The following GRIN2A variants were observed in gnomAD, a reference collection of about 807,000 sequenced individuals.
GRIN2A encodes the protein glutamate receptor ionotropic, NMDA 2A.
GRIN2A carries 22 observed loss-of-function variants against 113.4 expected under a neutral mutation model. The observed-to-expected ratio is 0.19, with a 90% CI of 0.14 to 0.28. GRIN2A has a LOEUF of 0.28. Among genes scored for constraint, GRIN2A ranks in the 10% least tolerant of loss-of-function variants. The probability of loss-of-function intolerance (pLI) is 1.00; values close to 1 mark genes in which losing one functional copy is unlikely to be tolerated. For synonymous variants in GRIN2A, 827 were observed against 738.4 expected (o/e 1.12, Z -1.94); for missense variants, 1,502 against 1,887.0 (o/e 0.80, Z 3.78).
At chr16:10,135,300 T>C (rs914066141) in intron 2 of GRIN2A, among the ~76,000 whole-genome samples, 2 of 152,242 alleles carry the variant, frequency 1.3e-5, no homozygotes, top group Non-Finnish European at 2.9e-5. Flanking sequence ...GTAATGCTTT[T>C]AACGTCCATA....
At chr16:10,148,041 C>A (rs1447186282) in intron 2 of GRIN2A, among the ~76,000 whole-genome samples, 1 of 152,156 alleles carries the variant, frequency 6.6e-6, no homozygotes, top group Non-Finnish European at 1.5e-5. Context: ...CTTCCCACTG[C>A]CCTGGTTTTC....
At chr16:9,906,364 T>A (rs1257771541) in intron 3 of GRIN2A, among the ~76,000 whole-genome samples, 1 of 152,216 alleles carries the variant, frequency 6.6e-6, no homozygotes, top group Non-Finnish European at 1.5e-5. Context: ...TTTCCACTTC[T>A]TAGCTTTTGT....
At chr16:9,918,321 A>G (rs944345300) in intron 3 of GRIN2A, among the ~76,000 whole-genome samples, 3 of 152,224 alleles carry the variant, frequency 2.0e-5, no homozygotes, top group Admixed American at 2.0e-4. Flanking sequence ...ATAGTACAGA[A>G]CTGTGTATGT....
intron 2 of GRIN2A, among the ~76,000 whole-genome samples, chr16:10,032,573 C>T (rs2141929723): frequency 6.6e-6 from 1 of 152,278 alleles, no homozygotes; most frequent in South Asian, 2.1e-4. Flanking sequence ...CCCTTGCAAC[C>T]CACCTTCAAA....
intron 12 of GRIN2A, among the ~76,000 whole-genome samples, chr16:9,768,351 C>CA (rs1285730206): frequency 1.3e-5 from 2 of 152,058 alleles, no homozygotes; most frequent in Non-Finnish European, 2.9e-5. Flanking sequence ...CGTGCCCGGC[C>CA]AAAAAATTTT....
chr16:9,934,238 T>C (rs1401917233), intron 3 of GRIN2A, among the ~76,000 whole-genome samples: 1 of 152,046 alleles, frequency 6.6e-6, no homozygotes, highest in Non-Finnish European at 1.5e-5. Context: ...AAAGAATTCT[T>C]ATTCCTAAGT....
At chr16:10,179,753 T>G in intron 2 of GRIN2A, 1 of 546,168 alleles carries the variant, frequency 1.8e-6, no homozygotes, top group Non-Finnish European at 3.3e-6. Flanking sequence ...GAGCGCTTCC[T>G]GGCACACACA....
chr16:10,149,082 G>C (rs2049508147), intron 2 of GRIN2A, among the ~76,000 whole-genome samples: 1 of 152,222 alleles, frequency 6.6e-6, no homozygotes, highest in Non-Finnish European at 1.5e-5. Flanking sequence ...AAGGGTATTG[G>C]GGGTGTGAGG....
chr16:10,141,556 G>C (rs1480429825), intron 2 of GRIN2A, among the ~76,000 whole-genome samples: 2 of 152,124 alleles, frequency 1.3e-5, no homozygotes, highest in Non-Finnish European at 2.9e-5. Context: ...AAGCAGGAGA[G>C]ACCAAATCCA....
intron 2 of GRIN2A, among the ~76,000 whole-genome samples, chr16:10,011,781 C>T (rs1231989293): frequency 6.6e-6 from 1 of 152,132 alleles, no homozygotes; most frequent in East Asian, 1.9e-4. Context: ...GGATGACGTT[C>T]ACCAAGCATC....
intron 5 of GRIN2A, among the ~76,000 whole-genome samples, chr16:9,847,914 T>TTATATGTTTTATATATATATAAAAA (rs2042804097): frequency 1.4e-5 from 2 of 146,406 alleles, no homozygotes. Flanking sequence ...GGCCTTATTT[T>TTATATGTTTTATATATATATAAAAA]TATATGTTTT....
At chr16:10,037,998 A>G (rs2047066324) in intron 2 of GRIN2A, among the ~76,000 whole-genome samples, 1 of 152,186 alleles carries the variant, frequency 6.6e-6, no homozygotes, top group Admixed American at 6.5e-5. Flanking sequence ...CTCCCAGTCT[A>G]CATCATAATC....
intron 2 of GRIN2A, among the ~76,000 whole-genome samples, chr16:10,122,073 C>T (rs1567314244): frequency 1.3e-5 from 2 of 152,172 alleles, no homozygotes; most frequent in Admixed American, 1.3e-4. Context: ...GAAGTTTATT[C>T]AGCGCCCTTC....
intron 2 of GRIN2A, among the ~76,000 whole-genome samples, chr16:10,076,311 A>G (rs2047871672): frequency 6.6e-6 from 1 of 152,200 alleles, no homozygotes; most frequent in African/African-American, 2.4e-5. Context: ...CCTTGACCCA[A>G]AAACCATCCA....
At chr16:9,839,438 A>C (rs993653528) in intron 7 of GRIN2A, among the ~76,000 whole-genome samples, 1 of 152,222 alleles carries the variant, frequency 6.6e-6, no homozygotes, top group Admixed American at 6.5e-5. Context: ...AAAAATCACA[A>C]GAATTTCCTT....
At chr16:10,112,605 A>G in intron 2 of GRIN2A, 1 of 771,270 alleles carries the variant, frequency 1.3e-6, no homozygotes. Context: ...GCAGCTCAAG[A>G]AGTACTGGGG....
At chr16:9,936,804 C>T (rs1394369996) in intron 3 of GRIN2A, among the ~76,000 whole-genome samples, 1 of 152,076 alleles carries the variant, frequency 6.6e-6, no homozygotes, top group Non-Finnish European at 1.5e-5. Flanking sequence ...CAAACAGAGA[C>T]CAGGAGCACT....
intron 2 of GRIN2A, among the ~76,000 whole-genome samples, chr16:10,132,496 A>C (rs910206849): frequency 1.3e-5 from 2 of 152,120 alleles, no homozygotes; most frequent in African/African-American, 2.4e-5. Flanking sequence ...GTCAAATGTA[A>C]AGCCACACAT....
chr16:9,996,889 T>C (rs2046232752), intron 2 of GRIN2A, among the ~76,000 whole-genome samples: 1 of 152,242 alleles, frequency 6.6e-6, no homozygotes, highest in Admixed American at 6.5e-5. Context: ...CTGATTCCTC[T>C]AACACCAGGT....
Sources: allele counts gnomAD v4.1 joint callset (sites outside exome capture counted in the v4.1 genomes callset), GRCh38; gene constraint gnomAD v4.1.1; transcripts MANE v1.5; gene names NCBI Gene and HGNC (gene_info 2026-07-23, HGNC 2026-07-21).